CENPM: variants seen among roughly 807,000 people sequenced by gnomAD.
The protein encoded by CENPM is centromere protein M, also known as interphase centromere complex protein 39.
A neutral mutation model predicts 19.6 loss-of-function variants in CENPM; 14 were observed. That is an observed-to-expected ratio of 0.71 (90% CI 0.47 to 1.11). The LOEUF is 1.11. Ranked by LOEUF, CENPM falls within the 50% of genes most tolerant of loss-of-function variation. CENPM has a pLI of 0.00. For missense variants in CENPM, 239 were observed against 228.4 expected (o/e 1.05, Z -0.30); for synonymous variants, 114 against 101.5 (o/e 1.12, Z -0.74).
chr22:41,937,948 G>A (rs1260442883), downstream of CENPM, among the ~76,000 whole-genome samples: 1 of 149,180 alleles, frequency 6.7e-6, no homozygotes, highest in African/African-American at 2.5e-5. Flanking sequence ...GGTTCATGCC[G>A]GTCTTCTGCC....
At chr22:41,939,285 TG>T (rs1173334619) in intron 5 of CENPM, 89 bp from the exon 6 acceptor site, 2 of 1,461,976 alleles carry the variant, frequency 1.4e-6, no homozygotes, top group Non-Finnish European at 1.8e-6. Context: ...AGAGCAGGGC[TG>T]GGGGCGGATA....
At chr22:41,929,349 C>A in the CENPM span, among the ~76,000 whole-genome samples, 1 of 152,128 alleles carries the variant, frequency 6.6e-6, no homozygotes, top group Non-Finnish European at 1.5e-5. Context: ...TCATTTAGCC[C>A]TTGTGCCAGC....
intron 1 of CENPM, 162 bp downstream of exon 1, chr22:41,946,858 C>T (rs979873222): frequency 7.6e-5 from 51 of 668,984 alleles, no homozygotes; most frequent in Non-Finnish European, 1.2e-4. Flanking sequence ...CCTCAGAGAG[C>T]GGCTACTCCA....
intron 5 of CENPM, among the ~76,000 whole-genome samples, chr22:41,940,869 C>G (rs974185426): frequency 6.6e-6 from 1 of 152,148 alleles, no homozygotes; most frequent in Non-Finnish European, 1.5e-5. Context: ...CAGCCTCGAC[C>G]CAGCCTCCTG....
Position 41,939,121 on chromosome 22 carries a change from C to T in CENPM, c.478G>A (p.Val160Ile). 3.7e-6 allele frequency: 6 copies of T among 1,613,018 alleles called. No homozygotes were observed. Among genetic ancestry groups the T allele is most frequent in the Non-Finnish European group, 5.1e-6 (6 of 1,179,978 alleles). The change falls in exon 6 of 6, where the codon GTC becomes ATC. Residue 160 changes from valine (V) to isoleucine (I), a missense_variant. Physicochemically the swap from Val to Ile is conservative, Grantham distance 29. Coordinates refer to ENST00000215980, the MANE Select transcript of CENPM (RefSeq NM_024053.5). Reference sequence around the variant, plus strand: ...AGGGACAGCAGGTTCAGAGCTGAGACACCGGGCACGTGGCCAGCACAGATC... The same window carrying T: ...AGGGACAGCAGGTTCAGAGCTGAGATACCGGGCACGTGGCCAGCACAGATC... Reference protein sequence around the residue: ...LQICAGHVPGVSALNLLSLLR... With the variant: ...LQICAGHVPGISALNLLSLLR...
chr22:41,929,318 C>A, the CENPM span, among the ~76,000 whole-genome samples: 1 of 152,136 alleles, frequency 6.6e-6, no homozygotes, highest in Non-Finnish European at 1.5e-5. Context: ...GCTGCAGAGG[C>A]CTGACTGAGT....
chr22:41,932,817 G>A, the CENPM span, among the ~76,000 whole-genome samples: 1 of 152,208 alleles, frequency 6.6e-6, no homozygotes, highest in Non-Finnish European at 1.5e-5. The surrounding 1 kb of genome is among the most constrained non-coding windows in gnomAD (Gnocchi z 4.3). Flanking sequence ...AGGGTACCAC[G>A]CAGGAAGGCC....
intron 4 of CENPM, 77 bp downstream of exon 4, chr22:41,945,148 C>CCT: frequency 6.2e-7 from 1 of 1,605,600 alleles, no homozygotes; most frequent in Non-Finnish European, 8.5e-7. Context: ...ACCCAGGGTG[C>CCT]CTCAGCAAGA....
intron 4 of CENPM, among the ~76,000 whole-genome samples, chr22:41,944,467 T>C (rs981887566): frequency 1.0e-4 from 15 of 146,944 alleles, no homozygotes; most frequent in African/African-American, 3.8e-4. Context: ...GGACGGGCCC[T>C]GTAACAGGAC....
chr22:41,939,190 C>A lies in CENPM; in HGVS notation c.409G>T (p.Gly137Cys). 3.1e-6 allele frequency: 5 copies of A among 1,610,568 alleles called. No homozygotes were observed. In the South Asian group the frequency reaches 5.5e-5, roughly 18 times the overall value. The stretch of plus-strand genomic sequence containing the variant: ...CGCTGCGCCATGGTGGCCCTAAAGC[C>A]TTCCACCTGCGGGGAGAGCAGAGAA... ...PLLYCDLEVE[G>C]FRATMAQRLV... The change falls in exon 6 of 6, where the codon GGC becomes TGC. Residue 137 changes from glycine to cysteine, a missense_variant. Coordinates refer to ENST00000215980, the MANE Select transcript of CENPM (RefSeq NM_024053.5).
At chr22:41,935,488 C>G (rs947387949), downstream of CENPM, among the ~76,000 whole-genome samples, 1 of 152,188 alleles carries the variant, frequency 6.6e-6, no homozygotes, top group Non-Finnish European at 1.5e-5. Context: ...CAAGGTCACT[C>G]TCTGGGAAGG....
At chr22:41,932,552 G>A in the CENPM span, among the ~76,000 whole-genome samples, 1 of 152,226 alleles carries the variant, frequency 6.6e-6, no homozygotes. This position sits in a 1 kb window ranked among gnomAD's most constrained non-coding sequence, Gnocchi z 4.3. Context: ...CCATGCACAC[G>A]TGCGCACACA....
At position 41,946,447 on chromosome 22, in the gene CENPM, A is replaced by T. The variant is rs1259109776; in HGVS notation, c.107T>A (p.Leu36His). Residue 36 changes from leucine (L) to histidine (H), a missense_variant, in exon 2 of 6, where the codon CTC becomes CAC. Transcript: ENST00000215980. ...CAGCTCGGAGGCGCAGTCCTCTTTG[A>T]GCATCGAGTCCGCCAGCTGCTGCAG... ...ALLQQLADSM[L>H]KEDCASELKV... 9 of 1,612,940 alleles carry T rather than the reference A, an allele frequency of 5.6e-6. No homozygotes were observed. The African/African-American group carries it at 1.2e-4, about 22-fold the overall frequency.
chr22:41,935,656 C>T (rs562141691), downstream of CENPM, among the ~76,000 whole-genome samples: 35 of 152,288 alleles, frequency 2.3e-4, 1 homozygote, highest in South Asian at 2.1e-3. Flanking sequence ...CGGGCGAAGG[C>T]CTGCTCAGGC....
downstream of CENPM, among the ~76,000 whole-genome samples, chr22:41,934,001 G>A (rs1602380096): frequency 6.6e-6 from 1 of 152,224 alleles, no homozygotes; most frequent in African/African-American, 2.4e-5. Flanking sequence ...GACCTGAAAA[G>A]GGGGGCAGGC....
At chr22:41,946,681 G>A in intron 1 of CENPM, 185 bp from the exon 2 acceptor site, 1 of 608,162 alleles carries the variant, frequency 1.6e-6, no homozygotes, top group Non-Finnish European at 2.9e-6. Flanking sequence ...ACCCGCTGCA[G>A]GCCTGTGGGC....
chr22:41,946,683 C>A, intron 1 of CENPM, 187 bp from the exon 2 acceptor site: 2 of 606,018 alleles, frequency 3.3e-6, no homozygotes, highest in East Asian at 5.5e-5. Flanking sequence ...CCGCTGCAGG[C>A]CTGTGGGCAC....
chr22:41,943,786 C>T, intron 4 of CENPM, 85 bp from the exon 5 acceptor site: 1 of 1,214,358 alleles, frequency 8.2e-7, no homozygotes, highest in Non-Finnish European at 1.2e-6. Context: ...TCACTCACTT[C>T]CCCACTCTGG....
intron 5 of CENPM, among the ~76,000 whole-genome samples, chr22:41,942,358 C>G (rs2077748862): frequency 6.6e-6 from 1 of 152,176 alleles, no homozygotes; most frequent in Non-Finnish European, 1.5e-5. Context: ...CTCCTGTAAT[C>G]CCAGCACTTT....
Sources: gnomAD v4.1 joint callset for allele counts (sites outside exome capture counted in the v4.1 genomes callset) on GRCh38, gnomAD v4.1.1 for gene constraint, Gnocchi (gnomAD v3.1) non-coding constraint, MANE v1.5 for transcripts, NCBI Gene and HGNC (gene_info 2026-07-23, HGNC 2026-07-21) for gene names.